The following AGBL4 variants were observed in gnomAD, a reference collection of about 807,000 sequenced individuals.
The protein encoded by AGBL4 is AGBL carboxypeptidase 4, also known as cytosolic carboxypeptidase 6.
Under a neutral mutation model 66.4 loss-of-function variants are expected in AGBL4, and 58 were observed. The ratio of observed to expected loss-of-function variants is 0.87; its 90% confidence interval spans 0.71 to 1.09. AGBL4 has a LOEUF of 1.09. Among genes scored for constraint, AGBL4 ranks in the 50% least tolerant of loss-of-function variants. AGBL4 has a pLI of 0.00. For synonymous variants in AGBL4, 234 were observed against 222.9 expected, an observed-to-expected ratio of 1.05 and a Z score of -0.44; for missense variants, 579 against 631.0, an observed-to-expected ratio of 0.92 and a Z score of 0.88.
At chr1:49,634,849 A>G (rs1035737375) in intron 3 of AGBL4, among the ~76,000 whole-genome samples, 2 of 152,216 alleles carry the variant, frequency 1.3e-5, no homozygotes, top group African/African-American at 4.8e-5. Flanking sequence ...AAGGCAGTCC[A>G]ATGTTCCTAC....
At chr1:49,266,669 G>A (rs1017043714) in intron 3 of AGBL4, among the ~76,000 whole-genome samples, 8 of 151,824 alleles carry the variant, frequency 5.3e-5, no homozygotes, top group African/African-American at 1.7e-4. Context: ...GGGAAGGAGA[G>A]GTGAATTTTT....
intron 1 of AGBL4, among the ~76,000 whole-genome samples, chr1:50,012,106 C>G (rs1198758311): frequency 4.2e-5 from 6 of 143,396 alleles, no homozygotes. Flanking sequence ...TTGCAGTGAG[C>G]GGAGATTGCG....
At chr1:49,166,557 T>G (rs1239523935) in intron 4 of AGBL4, among the ~76,000 whole-genome samples, 2 of 152,148 alleles carry the variant, frequency 1.3e-5, no homozygotes, top group East Asian at 3.9e-4. Context: ...CTTTGCATGG[T>G]GTAGATTATA....
intron 4 of AGBL4, among the ~76,000 whole-genome samples, chr1:49,161,424 G>A (rs1433600666): frequency 6.6e-6 from 1 of 152,176 alleles, no homozygotes; most frequent in Non-Finnish European, 1.5e-5. Context: ...GGTTACCTCA[G>A]TTGGATGCAG....
intron 1 of AGBL4, among the ~76,000 whole-genome samples, chr1:49,873,931 A>G (rs1646903678): frequency 6.6e-6 from 1 of 152,134 alleles, no homozygotes; most frequent in East Asian, 1.9e-4. Flanking sequence ...AAAATAGCCA[A>G]TACAATTTCA....
chr1:48,835,312 T>G (rs1646648660), intron 6 of AGBL4, among the ~76,000 whole-genome samples: 1 of 152,144 alleles, frequency 6.6e-6, no homozygotes, highest in Non-Finnish European at 1.5e-5. Context: ...GTGACTAAGA[T>G]TATGTCAGAT....
intron 6 of AGBL4, among the ~76,000 whole-genome samples, chr1:48,688,015 A>C (rs1570255848): frequency 6.6e-6 from 1 of 152,202 alleles, no homozygotes; most frequent in East Asian, 1.9e-4. Context: ...TCACTAGAAT[A>C]TAGGCTTTAG....
At chr1:49,011,830 A>G (rs1202749526) in intron 5 of AGBL4, among the ~76,000 whole-genome samples, 3 of 139,456 alleles carry the variant, frequency 2.2e-5, no homozygotes, top group African/African-American at 5.4e-5. Context: ...GAATTGAACA[A>G]TGAGATCACA....
chr1:49,236,092 C>G (rs180816697), intron 4 of AGBL4, among the ~76,000 whole-genome samples: 1 of 151,872 alleles, frequency 6.6e-6, no homozygotes, highest in Non-Finnish European at 1.5e-5. Flanking sequence ...TGCAGTGGCA[C>G]GATCTTGGCT....
chr1:49,774,002 G>C (rs557163847), intron 2 of AGBL4, among the ~76,000 whole-genome samples: 1 of 152,172 alleles, frequency 6.6e-6, no homozygotes, highest in Non-Finnish European at 1.5e-5. Context: ...GCACGTAAGC[G>C]GTAGAATGGT....
chr1:48,565,442 C>G (rs1644461376), intron 11 of AGBL4, among the ~76,000 whole-genome samples: 1 of 152,226 alleles, frequency 6.6e-6, no homozygotes, highest in Admixed American at 6.5e-5. Flanking sequence ...GACTGGGTCT[C>G]CTTGTTTCTA....
intron 1 of AGBL4, among the ~76,000 whole-genome samples, chr1:49,936,222 C>A (rs536883263): frequency 6.6e-6 from 1 of 151,936 alleles, no homozygotes; most frequent in Admixed American, 6.5e-5. Flanking sequence ...CGATCAACTG[C>A]AAGAAAGGGT....
chr1:49,501,758 C>T lies in AGBL4; in HGVS notation c.282+195555G>A, dbSNP rs534667557. ...TGTAGAATTTTATTACTATAAACTT[C>T]TCTCAGAACTGCTTTTGCTACATTC... On this transcript the variant is annotated intron_variant, in intron 3 of 13. Transcript: ENST00000371839. Among the ~76,000 whole-genome samples, 21 of 151,920 alleles carry T rather than the reference C, an allele frequency of 1.4e-4. No homozygotes were observed. The South Asian group carries it at 3.5e-3, about 26-fold the overall frequency.
intron 5 of AGBL4, among the ~76,000 whole-genome samples, chr1:48,935,453 C>T (rs1001905113): frequency 2.0e-5 from 3 of 152,034 alleles, no homozygotes; most frequent in Admixed American, 6.6e-5. Context: ...CACTGCTGCT[C>T]GTTATTGGCA....
chr1:49,648,929 G>T, intron 3 of AGBL4, among the ~76,000 whole-genome samples: 1 of 151,914 alleles, frequency 6.6e-6, no homozygotes, highest in East Asian at 1.9e-4. Flanking sequence ...AATAAGTGAA[G>T]GTAAAATGAA....
In AGBL4 at chr1:48,727,755, T is replaced by C. The variant is rs1009972213; in HGVS notation, c.635-64514A>G. On this transcript the variant is annotated intron_variant, in intron 6 of 13. Coordinates refer to ENST00000371839, the MANE Select transcript of AGBL4 (RefSeq NM_032785.4). ...AGTGTCCACATTCAGAACAAGCCGC[T>C]GACCCCAGAACCCGATGGATCCCTG... 2.2e-5 allele frequency: 18 copies of C among 821,156 alleles called. No individual in the cohort carries two copies. The East Asian group carries it at 4.3e-4, about 20-fold the overall frequency. 50.9% of individuals were successfully genotyped at this position (821,156 alleles called of 1,614,324 possible). A position where few individuals can be genotyped will look rare whatever the true frequency, so the allele number is the denominator to read the frequency against.
chr1:49,981,321 A>T (rs983533980), intron 1 of AGBL4, among the ~76,000 whole-genome samples: 6 of 152,178 alleles, frequency 3.9e-5, no homozygotes, highest in African/African-American at 1.4e-4. Flanking sequence ...TGGAATTCCA[A>T]TCGTCAGAAT....
chr1:49,803,879 TTTTG>T (rs1355409195), intron 2 of AGBL4, among the ~76,000 whole-genome samples: 2 of 152,192 alleles, frequency 1.3e-5, no homozygotes, highest in Non-Finnish European at 2.9e-5. Flanking sequence ...CTTCTGATTT[TTTTG>T]TTTGATGTTT....
intron 5 of AGBL4, among the ~76,000 whole-genome samples, chr1:48,965,418 G>C (rs1658336966): frequency 6.6e-6 from 1 of 152,156 alleles, no homozygotes; most frequent in African/African-American, 2.4e-5. Flanking sequence ...AAAGGACTCA[G>C]AGACCTGCAA....
Sources: gnomAD v4.1 joint callset for allele counts (sites outside exome capture counted in the v4.1 genomes callset) on GRCh38, gnomAD v4.1.1 for gene constraint, MANE v1.5 for transcripts, NCBI Gene and HGNC (gene_info 2026-07-23, HGNC 2026-07-21) for gene names.